Variants in COLEC12 observed in about 807,000 individuals in gnomAD.
COLEC12 encodes the protein collectin subfamily member 12.
Under a neutral mutation model 71.1 loss-of-function variants are expected in COLEC12, and 33 were observed. The ratio of observed to expected loss-of-function variants is 0.46; its 90% CI spans 0.35 to 0.62. The LOEUF is 0.62. Among genes scored for constraint, COLEC12 ranks in the 20% least tolerant of loss-of-function variants. The probability of loss-of-function intolerance (pLI) is 0.00; values close to 1 mark genes in which losing one functional copy is unlikely to be tolerated. For missense variants in COLEC12, 765 were observed against 916.1 expected (o/e 0.84, Z 2.13); for synonymous variants, 350 against 353.0 (o/e 0.99, Z 0.10).
At chr18:354,819 C>T (rs1914595946) in intron 3 of COLEC12, among the ~76,000 whole-genome samples, 1 of 152,142 alleles carries the variant, frequency 6.6e-6, no homozygotes, top group Admixed American at 6.5e-5. Flanking sequence ...AGGGGCAAGA[C>T]ATCATCTCGT....
chr18:442,426 A>G (rs138030600), intron 2 of COLEC12, among the ~76,000 whole-genome samples: 199 of 152,296 alleles, frequency 1.3e-3, no homozygotes, highest in African/African-American at 4.6e-3. Flanking sequence ...CCAAGGGAGA[A>G]AACCCATGCT....
intron 2 of COLEC12, among the ~76,000 whole-genome samples, chr18:405,575 T>C (rs1915768446): frequency 6.6e-6 from 1 of 152,190 alleles, no homozygotes; most frequent in Admixed American, 6.5e-5. Context: ...CGTTGAAATA[T>C]TGGGGGCAGG....
chr18:436,886 C>A (rs1461207604), intron 2 of COLEC12, among the ~76,000 whole-genome samples: 2 of 152,146 alleles, frequency 1.3e-5, no homozygotes, highest in Non-Finnish European at 2.9e-5. Context: ...TATTGAAATA[C>A]TTAACACCTG....
intron 2 of COLEC12, among the ~76,000 whole-genome samples, chr18:479,276 C>A (rs182179400): frequency 1.3e-5 from 2 of 151,922 alleles, no homozygotes; most frequent in South Asian, 4.2e-4. Context: ...AACAGGAGCA[C>A]GGAGGAGGGG....
intron 2 of COLEC12, among the ~76,000 whole-genome samples, chr18:381,461 T>C (rs1375665446): frequency 1.3e-5 from 2 of 152,206 alleles, no homozygotes; most frequent in Non-Finnish European, 2.9e-5. Context: ...TAAGTAAAAG[T>C]ATTATGTGTC....
chr18:370,504 G>C (rs1172344427), intron 2 of COLEC12, among the ~76,000 whole-genome samples: 6 of 152,172 alleles, frequency 3.9e-5, no homozygotes, highest in Non-Finnish European at 8.8e-5. Context: ...TTTGGAATTA[G>C]TACCAGAATC....
rs1465129483 is a variant in COLEC12, at chr18:360,175, TTTC to T, written c.59-2656_59-2654del. Among the ~76,000 whole-genome samples the T allele has an allele frequency of 2.9e-5, 4 of 137,310 alleles. No homozygotes were observed. The South Asian group carries it at 7.3e-4, about 25-fold the overall frequency. The allele number at this position is 137,310 out of a possible 152,430, so 90.1% of individuals were successfully genotyped here. On this transcript the variant is annotated intron_variant, in intron 2 of 9. Coordinates refer to ENST00000400256, the MANE Select transcript of COLEC12 (RefSeq NM_130386.3). ...CTGAGAAGGGACCTGAGAATTTGGATTTCTTTTTTTTTTTTTTTCTTTTTTGAG... is the reference window on the plus strand; with the variant it reads ...CTGAGAAGGGACCTGAGAATTTGGATTTTTTTTTTTTTTTTCTTTTTTGAG...
chr18:340,870 T>C (rs1914235627), intron 5 of COLEC12, among the ~76,000 whole-genome samples: 1 of 152,234 alleles, frequency 6.6e-6, no homozygotes, highest in African/African-American at 2.4e-5. Context: ...GTTGGGCTTT[T>C]GGAAAGCCTT....
At chr18:361,404 T>C (rs1313660785) in intron 2 of COLEC12, among the ~76,000 whole-genome samples, 1 of 152,182 alleles carries the variant, frequency 6.6e-6, no homozygotes, top group East Asian at 1.9e-4. Flanking sequence ...TTCATCTCAG[T>C]GGAAGCTTCC....
chr18:484,025 A>C (rs1010893642), intron 1 of COLEC12, among the ~76,000 whole-genome samples: 1 of 152,194 alleles, frequency 6.6e-6, no homozygotes, highest in Non-Finnish European at 1.5e-5. Flanking sequence ...GTCACAGTGG[A>C]AACAAGAAGG....
intron 5 of COLEC12, among the ~76,000 whole-genome samples, chr18:338,693 T>G (rs188183296): frequency 6.6e-6 from 1 of 152,178 alleles, no homozygotes; most frequent in East Asian, 1.9e-4. Flanking sequence ...CTCTGTGTAG[T>G]TGGGAAATAG....
intron 2 of COLEC12, among the ~76,000 whole-genome samples, chr18:427,901 T>C (rs1916228095): frequency 6.6e-6 from 1 of 152,196 alleles, no homozygotes; most frequent in South Asian, 2.1e-4. Context: ...TTGCCTTTGG[T>C]GTTTATCATC....
At chr18:465,815 GTAA>G (rs1917073963) in intron 2 of COLEC12, among the ~76,000 whole-genome samples, 1 of 152,206 alleles carries the variant, frequency 6.6e-6, no homozygotes, top group South Asian at 2.1e-4. Context: ...GCTCACACCT[GTAA>G]TCCCAGCACT....
At chr18:469,073 A>G (rs7240171) in intron 2 of COLEC12, among the ~76,000 whole-genome samples, 2 of 152,272 alleles carry the variant, frequency 1.3e-5, no homozygotes, top group Non-Finnish European at 2.9e-5. Flanking sequence ...GTTTATATCA[A>G]AACAGATTCT....
At chr18:341,186 C>A (rs1914244783) in intron 5 of COLEC12, among the ~76,000 whole-genome samples, 1 of 152,198 alleles carries the variant, frequency 6.6e-6, no homozygotes, top group South Asian at 2.1e-4. Context: ...GTCATTTCCA[C>A]CTCCCCAAAC....
chr18:339,955 T>C (rs1914207253), intron 5 of COLEC12, among the ~76,000 whole-genome samples: 1 of 151,990 alleles, frequency 6.6e-6, no homozygotes. Context: ...CACTGCTGAT[T>C]AGCATCTGGA....
chr18:362,750 C>T lies in COLEC12; in HGVS notation c.59-5228G>A, dbSNP rs1159478001. 6.6e-6 allele frequency among the ~76,000 whole-genome samples: 1 copy of T among 152,152 alleles called. No individual in the cohort carries two copies. The highest frequency in any genetic ancestry group is 1.5e-5 in the Non-Finnish European group (1 of 68,030). On this transcript the variant is annotated intron_variant, in intron 2 of 9. Transcript: ENST00000400256. The surrounding 1 kb of genome is among the most constrained non-coding windows in gnomAD (Gnocchi z 4.6). Reference sequence around the variant, plus strand: ...CATTTGAAATTCAGAGGCCTACAGGCAGCAAGGACCTGAAGGGTGCATGCC... The same window carrying T: ...CATTTGAAATTCAGAGGCCTACAGGTAGCAAGGACCTGAAGGGTGCATGCC...
chr18:429,075 G>A (rs769573304), intron 2 of COLEC12, among the ~76,000 whole-genome samples: 4 of 152,110 alleles, frequency 2.6e-5, no homozygotes, highest in South Asian at 2.1e-4. Flanking sequence ...AAAAGCAGTA[G>A]GGAGTGATTT....
chr18:490,914 T>C (rs567748489), intron 1 of COLEC12, among the ~76,000 whole-genome samples: 1 of 152,382 alleles, frequency 6.6e-6, no homozygotes, highest in African/African-American at 2.4e-5. Flanking sequence ...TGGCGCTGTC[T>C]ACATATGAGT....
Sources: allele counts gnomAD v4.1 joint callset (sites outside exome capture counted in the v4.1 genomes callset), GRCh38; gene constraint gnomAD v4.1.1; non-coding constraint Gnocchi (gnomAD v3.1); transcripts MANE v1.5; gene names NCBI Gene and HGNC (gene_info 2026-07-23, HGNC 2026-07-21).